TRIM62: variants seen among roughly 807,000 people sequenced by gnomAD.
The protein encoded by TRIM62 is E3 ubiquitin-protein ligase TRIM62.
A neutral mutation model predicts 44.2 loss-of-function variants in TRIM62; 39 were observed. That is an observed-to-expected ratio of 0.88 (90% CI 0.68 to 1.15). The LOEUF (loss-of-function observed/expected upper bound fraction) is 1.15, where lower values mean the gene tolerates loss of function less well. Among genes scored for constraint, TRIM62 ranks in the 50% most tolerant of loss-of-function variants. The pLI is 0.00. For synonymous variants in TRIM62, 278 were observed against 292.3 expected, an observed-to-expected ratio of 0.95 and a Z score of 0.50; for missense variants, 544 against 665.5, an observed-to-expected ratio of 0.82 and a Z score of 2.01.
chr1:33,165,539 G>A lies in TRIM62; in HGVS notation c.436C>T (p.Leu146Phe), dbSNP rs375979896. The change falls in exon 2 of 5, where the codon CTT becomes TTT. Residue 146 changes from leucine (L) to phenylalanine (F), a missense_variant. Coordinates refer to ENST00000291416, the MANE Select transcript of TRIM62 (RefSeq NM_018207.3). This position sits in a 1 kb window ranked among gnomAD's most constrained non-coding sequence, Gnocchi z 4.0. ...GTGTGTTCCCGCTCGCTGTCTTGAA[G>A]GGCCTGAAGTTGGTCCTTCAGCTCC... ...QRELKDQLQA[L>F]QDSEREHTEA... 36 of 1,610,828 alleles carry A rather than the reference G, an allele frequency of 2.2e-5. No homozygotes were observed. Among genetic ancestry groups the A allele is most frequent in the Non-Finnish European group, 2.7e-5 (32 of 1,178,516 alleles).
At chr1:33,154,714 C>G (rs1282954632) in intron 4 of TRIM62, among the ~76,000 whole-genome samples, 2 of 151,604 alleles carry the variant, frequency 1.3e-5, no homozygotes. Context: ...AGGAAAATCG[C>G]CTGAACCCAG....
chr1:33,150,102 C>T (rs141264565), intron 4 of TRIM62, among the ~76,000 whole-genome samples: 1 of 152,316 alleles, frequency 6.6e-6, no homozygotes, highest in East Asian at 1.9e-4. Flanking sequence ...GATAACTGGC[C>T]AGAGGAGAAG....
chr1:33,172,622 C>T (rs1488249799), intron 1 of TRIM62, among the ~76,000 whole-genome samples: 2 of 152,128 alleles, frequency 1.3e-5, no homozygotes, highest in African/African-American at 4.8e-5. Flanking sequence ...GTCTGCGCAG[C>T]CCTGAGCACA....
chr1:33,167,067 A>G lies in TRIM62; in HGVS notation c.409-1501T>C, dbSNP rs1045645001. On this transcript the variant is annotated intron_variant, in intron 1 of 4. Transcript: ENST00000291416. This position sits in a 1 kb window ranked among gnomAD's most constrained non-coding sequence, Gnocchi z 4.2. Reference sequence around the variant, plus strand: ...CCATCTTGAGCTCGTTCCAATCTTCAGACTATGCCCTGGCTATTCCCTCTG... The same window carrying G: ...CCATCTTGAGCTCGTTCCAATCTTCGGACTATGCCCTGGCTATTCCCTCTG... 1.2e-4 allele frequency among the ~76,000 whole-genome samples: 19 copies of G among 152,086 alleles called. 1 individual carries two copies. Among genetic ancestry groups the G allele is most frequent in the Admixed American group, 1.2e-3 (18 of 15,270 alleles).
chr1:33,157,662 C>A (rs576767182), intron 4 of TRIM62, among the ~76,000 whole-genome samples: 1 of 152,200 alleles, frequency 6.6e-6, no homozygotes, highest in Admixed American at 6.5e-5. Context: ...CTCTTATGTA[C>A]CCTGTTGTAT....
At chr1:33,155,369 C>A (rs902720562) in intron 4 of TRIM62, among the ~76,000 whole-genome samples, 1 of 152,066 alleles carries the variant, frequency 6.6e-6, no homozygotes. Context: ...CCATGCCCGG[C>A]CTCCCCTGAC....
intron 1 of TRIM62, among the ~76,000 whole-genome samples, chr1:33,171,844 C>T (rs918527879): frequency 2.0e-5 from 3 of 152,048 alleles, no homozygotes; most frequent in African/African-American, 7.3e-5. Context: ...TGTAGTGGTG[C>T]GATCTTGGCT....
At chr1:33,151,034 G>T (rs950092798) in intron 4 of TRIM62, among the ~76,000 whole-genome samples, 1 of 152,224 alleles carries the variant, frequency 6.6e-6, no homozygotes, top group African/African-American at 2.4e-5. Flanking sequence ...GTACCCTCAA[G>T]CAGGTATAAG....
In TRIM62 at chr1:33,147,346, A is replaced by C. The variant is rs1570279396; in HGVS notation, c.1259T>G (p.Leu420Arg). The C allele has an allele frequency of 6.2e-7, 1 of 1,614,218 alleles. No homozygotes were observed. Among genetic ancestry groups the C allele is most frequent in the East Asian group, 2.2e-5 (1 of 44,890 alleles). ...RDKLDKVGVF[L>R]DYDQGLLIFY... ...GATGAGCAAGCCTTGGTCATAGTCCAGGAAGACACCCACCTTGTCAAGCTT... is the reference window on the plus strand; with the variant it reads ...GATGAGCAAGCCTTGGTCATAGTCCCGGAAGACACCCACCTTGTCAAGCTT... The change falls in exon 5 of 5, where the codon CTG becomes CGG. Residue 420 changes from leucine to arginine, a missense_variant. Leu to Arg is a moderately radical substitution (Grantham distance 102). Coordinates refer to ENST00000291416, the MANE Select transcript of TRIM62 (RefSeq NM_018207.3). This position sits in a 1 kb window ranked among gnomAD's most constrained non-coding sequence, Gnocchi z 8.1.
chr1:33,145,799 G>T lies in TRIM62; in HGVS notation c.*1378C>A, dbSNP rs761229926. 1 of 466,314 alleles carries T rather than the reference G, an allele frequency of 2.1e-6. No homozygotes were observed. Among genetic ancestry groups the T allele is most frequent in the Non-Finnish European group, 4.5e-6 (1 of 224,518 alleles). 28.9% of individuals were successfully genotyped at this position (466,314 alleles called of 1,614,324 possible). ...CTCCACCCTCTCCCGAGTTCTTCAC[G>T]ATTGGATGCTGTGGCAGAAAAACGC... On this transcript the variant is annotated 3_prime_UTR_variant, in exon 5 of 5. Transcript: ENST00000291416.
Position 33,165,848 on chromosome 1 carries a change from G to T in TRIM62, c.409-282C>A, listed in dbSNP as rs767830967. 59 of 273,544 alleles carry T rather than the reference G, an allele frequency of 2.2e-4. No homozygotes were observed. Among genetic ancestry groups the T allele is most frequent in the Non-Finnish European group, 3.7e-4 (54 of 145,444 alleles). The allele number at this position is 273,544 out of a possible 1,614,324, so 16.9% of individuals were successfully genotyped here. On this transcript the variant is annotated intron_variant, in intron 1 of 4. Coordinates refer to ENST00000291416, the MANE Select transcript of TRIM62 (RefSeq NM_018207.3). The surrounding 1 kb of genome is among the most constrained non-coding windows in gnomAD (Gnocchi z 4.0). ...TCGACTTCCACATACACACTCTCTG[G>T]CTCCCCACACTTGGCCCTGGATCCC...
rs780511471 is a variant in TRIM62, at chr1:33,168,565, T to C, written c.409-2999A>G. On this transcript the variant is annotated intron_variant, in intron 1 of 4. Coordinates refer to ENST00000291416, the MANE Select transcript of TRIM62 (RefSeq NM_018207.3). ...AGCACACCCACCTGGAGTCCTTTCC[T>C]AGAGACTTGTCTTACATGAGAGAGA... Among the ~76,000 whole-genome samples, 26 of 152,192 alleles carry C rather than the reference T, an allele frequency of 1.7e-4. 1 individual carries two copies. Among genetic ancestry groups the C allele is most frequent in the Admixed American group, 7.2e-4 (11 of 15,284 alleles).
intron 1 of TRIM62, chr1:33,166,198 AG>A (rs1185171877): frequency 6.6e-6 from 1 of 152,384 alleles, no homozygotes; most frequent in Non-Finnish European, 1.5e-5. Flanking sequence ...CGGAAAAACA[AG>A]CTCAGGGCTC....
At chr1:33,162,820 C>T (rs375500900) in intron 2 of TRIM62, 3 of 152,288 alleles carry the variant, frequency 2.0e-5, no homozygotes, top group African/African-American at 7.2e-5. Flanking sequence ...AGCCATAGCT[C>T]TTGCAGGACA....
At chr1:33,154,746 C>T (rs1383866383) in intron 4 of TRIM62, among the ~76,000 whole-genome samples, 9 of 149,730 alleles carry the variant, frequency 6.0e-5, no homozygotes, top group Admixed American at 4.0e-4. Context: ...TGCAGTGAGC[C>T]GAGATCACGC....
chr1:33,156,539 C>T (rs565753167), intron 4 of TRIM62, among the ~76,000 whole-genome samples: 2 of 152,210 alleles, frequency 1.3e-5, no homozygotes, highest in Admixed American at 6.5e-5. Context: ...TGCTCCTTCT[C>T]GGTCTCCTTG....
intron 1 of TRIM62, among the ~76,000 whole-genome samples, chr1:33,172,573 T>G (rs1368619702): frequency 6.6e-6 from 1 of 151,482 alleles, no homozygotes; most frequent in Non-Finnish European, 1.5e-5. Context: ...CAGGATGAGG[T>G]GAGTGGGGAG....
chr1:33,173,894 T>C (rs992345794), intron 1 of TRIM62, among the ~76,000 whole-genome samples: 1 of 151,968 alleles, frequency 6.6e-6, no homozygotes, highest in African/African-American at 2.4e-5. Flanking sequence ...AGATGGGGTC[T>C]CTCTGTGTTG....
At position 33,159,470 on chromosome 1, in the gene TRIM62, G is replaced by T. The variant is rs1281775428; in HGVS notation, c.761+218C>A. On this transcript the variant is annotated intron_variant, in intron 3 of 4. Coordinates refer to ENST00000291416, the MANE Select transcript of TRIM62 (RefSeq NM_018207.3). The surrounding 1 kb of genome is among the most constrained non-coding windows in gnomAD (Gnocchi z 4.2). The stretch of plus-strand genomic sequence containing the variant: ...GCCCTCTAGATGGTTTTCAAACTGT[G>T]TTCCTCACCATTGCTGCTGCTCCTC... Among the ~76,000 whole-genome samples the T allele has an allele frequency of 6.6e-6, 1 of 152,142 alleles. No homozygotes were observed. Among genetic ancestry groups the T allele is most frequent in the African/African-American group, 2.4e-5 (1 of 41,434 alleles).
Sources: gnomAD v4.1 joint callset for allele counts (sites outside exome capture counted in the v4.1 genomes callset) on GRCh38, gnomAD v4.1.1 for gene constraint, Gnocchi (gnomAD v3.1) non-coding constraint, MANE v1.5 for transcripts, NCBI Gene and HGNC (gene_info 2026-07-23, HGNC 2026-07-21) for gene names.